The following RREB1 variants were observed in gnomAD, a reference collection of about 807,000 sequenced individuals.
RREB1 encodes ras-responsive element-binding protein 1.
Under a neutral mutation model 117.8 loss-of-function variants are expected in RREB1, and 27 were observed. That is an observed-to-expected ratio of 0.23 (90% CI 0.17 to 0.32). RREB1 has a LOEUF of 0.32. RREB1 is among the 10% of genes least tolerant of loss of function. RREB1 has a pLI of 1.00. For synonymous variants in RREB1, 1,298 were observed against 1,026.7 expected (o/e 1.26, Z -5.05); for missense variants, 2,577 against 2,378.2 (o/e 1.08, Z -1.74).
intron 5 of RREB1, among the ~76,000 whole-genome samples, chr6:7,188,226 CGTGTGTGT>C (rs149501678): frequency 0.14 from 21,510 of 149,348 alleles, 1,647 homozygotes; most frequent in East Asian, 0.27. Flanking sequence ...CCCCCCCACA[CGTGTGTGT>C]GTGTGTGTGT....
intron 1 of RREB1, among the ~76,000 whole-genome samples, chr6:7,111,932 A>G (rs1305480963): frequency 2.0e-5 from 3 of 152,208 alleles, no homozygotes; most frequent in Non-Finnish European, 4.4e-5. Flanking sequence ...CATGAAACAG[A>G]TTTGTATTCA....
At chr6:7,156,523 A>C (rs989979418) in intron 1 of RREB1, among the ~76,000 whole-genome samples, 9 of 152,214 alleles carry the variant, frequency 5.9e-5, no homozygotes, top group African/African-American at 1.9e-4. Flanking sequence ...TTCCGCACTG[A>C]GCCACATCTG....
rs79267091 is a variant in RREB1, at chr6:7,172,789, G to A, written c.-284-3866G>A. Among the ~76,000 whole-genome samples, 94 of 152,210 alleles carry A rather than the reference G, an allele frequency of 6.2e-4. 1 individual carries two copies. The highest frequency in any genetic ancestry group is 2.2e-3 in the African/African-American group (91 of 41,516). On this transcript the variant is annotated intron_variant, in intron 1 of 12. Transcript: ENST00000379938. ...CATCAACTTCCTGGAACTCAAAGCCGTCATCACAGCTGTCTCAGCCCTCAG... is the reference window on the plus strand; with the variant it reads ...CATCAACTTCCTGGAACTCAAAGCCATCATCACAGCTGTCTCAGCCCTCAG...
chr6:7,187,954 GAGACCAGCCTGGCCAACATGGTCC>G (rs755409976), intron 5 of RREB1, among the ~76,000 whole-genome samples: 26 of 151,996 alleles, frequency 1.7e-4, no homozygotes, highest in Non-Finnish European at 3.2e-4. Context: ...TCAGGATTTG[GAGACCAGCCTGGCCAACATGGTCC>G]AGACCAGCCT....
intron 1 of RREB1, among the ~76,000 whole-genome samples, chr6:7,158,729 A>G (rs796776493): frequency 2.6e-5 from 4 of 152,362 alleles, no homozygotes; most frequent in Admixed American, 6.5e-5. Context: ...CTAGTAGTGG[A>G]TCAGGAGTTA....
chr6:7,147,675 A>G (rs926629335), intron 1 of RREB1, among the ~76,000 whole-genome samples: 1 of 152,144 alleles, frequency 6.6e-6, no homozygotes, highest in Non-Finnish European at 1.5e-5. Context: ...AGAAGTTCCT[A>G]ATGCAGTAGG....
chr6:7,151,589 C>T (rs1763125020), intron 1 of RREB1, among the ~76,000 whole-genome samples: 1 of 152,196 alleles, frequency 6.6e-6, no homozygotes, highest in Admixed American at 6.5e-5. Context: ...ATTGCAGGCA[C>T]ATGACACTTG....
chr6:7,247,311 C>A (rs1769147905), intron 12 of RREB1, 90 bp downstream of exon 12: 1 of 1,199,792 alleles, frequency 8.3e-7, no homozygotes, highest in Non-Finnish European at 1.1e-6. Context: ...CGCTGGAGGC[C>A]ACCGAGAGAA....
At chr6:7,126,296 G>T (rs571399351) in intron 1 of RREB1, among the ~76,000 whole-genome samples, 3 of 151,034 alleles carry the variant, frequency 2.0e-5, no homozygotes, top group Non-Finnish European at 2.9e-5. Context: ...CACTGCGCCC[G>T]GCCTCGATTC....
Position 7,181,874 on chromosome 6 carries a change from A to G in RREB1, c.-38A>G, listed in dbSNP as rs115693225. The G allele has an allele frequency of 1.1e-3, 1,709 of 1,611,972 alleles. 17 individuals are homozygous for G. The African/African-American group carries it at 0.017, about 16-fold the overall frequency. On this transcript the variant is annotated 5_prime_UTR_variant, in exon 4 of 13. Transcript: ENST00000379938. ...TCAGCAATTTCCAATTTTCAGTTTTATAGCAGAGGCTTCTTAGAAGCTTAA... is the reference window on the plus strand; with the variant it reads ...TCAGCAATTTCCAATTTTCAGTTTTGTAGCAGAGGCTTCTTAGAAGCTTAA...
chr6:7,156,703 G>C (rs146045441), intron 1 of RREB1, among the ~76,000 whole-genome samples: 1 of 152,224 alleles, frequency 6.6e-6, no homozygotes, highest in African/African-American at 2.4e-5. Flanking sequence ...TTGGGCATCC[G>C]TTGGAAGAAA....
intron 10 of RREB1, among the ~76,000 whole-genome samples, chr6:7,237,806 C>T (rs1768434409): frequency 6.6e-6 from 1 of 152,220 alleles, no homozygotes; most frequent in South Asian, 2.1e-4. Flanking sequence ...GTCAGACTTA[C>T]GCAGTGAAAT....
At chr6:7,208,939 A>C (rs1766427831) in intron 6 of RREB1, among the ~76,000 whole-genome samples, 1 of 152,164 alleles carries the variant, frequency 6.6e-6, no homozygotes, top group Admixed American at 6.5e-5. Flanking sequence ...GTTGGTGCAC[A>C]TAGGTCGGCT....
rs1421214897 is a variant in RREB1 at position 7,226,671 on chromosome 6, C to T, written c.897+15C>T. The T allele has an allele frequency of 1.9e-6, 3 of 1,605,168 alleles. No homozygotes were observed. The highest frequency in any genetic ancestry group is 2.6e-6 in the Non-Finnish European group (3 of 1,173,766). On this transcript the variant is annotated intron_variant, in intron 9 of 12. Coordinates refer to ENST00000379938, the MANE Select transcript of RREB1 (RefSeq NM_001003699.4). ...GCATTTCTCAGGTATTCTGATCAGCCCATGGAAGCAACCAGCAACTGCCTT... is the reference window on the plus strand; with the variant it reads ...GCATTTCTCAGGTATTCTGATCAGCTCATGGAAGCAACCAGCAACTGCCTT...
intron 1 of RREB1, among the ~76,000 whole-genome samples, chr6:7,115,397 C>T (rs1761351385): frequency 7.3e-6 from 1 of 137,778 alleles, no homozygotes; most frequent in Non-Finnish European, 1.5e-5. Context: ...GTAAGGAAAC[C>T]ATAGAGGGGA....
intron 1 of RREB1, among the ~76,000 whole-genome samples, chr6:7,150,551 G>A (rs1156638206): frequency 6.6e-6 from 1 of 150,560 alleles, no homozygotes; most frequent in Non-Finnish European, 1.5e-5. Context: ...TTCTCTTGTT[G>A]TATAGACATT....
At chr6:7,198,801 AT>A (rs1230609023) in intron 6 of RREB1, among the ~76,000 whole-genome samples, 1 of 152,194 alleles carries the variant, frequency 6.6e-6, no homozygotes, top group Admixed American at 6.5e-5. Context: ...TTAAAAAAAA[AT>A]ATGTAAGTGT....
intron 6 of RREB1, among the ~76,000 whole-genome samples, chr6:7,204,482 TG>T (rs1341692835): frequency 1.3e-5 from 2 of 152,184 alleles, no homozygotes; most frequent in African/African-American, 4.8e-5. Context: ...TGTGCAGCTG[TG>T]GGGGTTCTTA....
At chr6:7,172,695 G>A (rs1430538928) in intron 1 of RREB1, among the ~76,000 whole-genome samples, 1 of 146,392 alleles carries the variant, frequency 6.8e-6, no homozygotes. Context: ...CCGGTGTGGG[G>A]GGGTGGGGGT....
Sources: allele counts gnomAD v4.1 joint callset (sites outside exome capture counted in the v4.1 genomes callset), GRCh38; gene constraint gnomAD v4.1.1; transcripts MANE v1.5; gene names NCBI Gene and HGNC (gene_info 2026-07-23, HGNC 2026-07-21).